The following CCSER1 variants were observed in gnomAD, a reference collection of about 807,000 sequenced individuals.
The protein encoded by CCSER1 is coiled-coil serine rich protein 1.
In CCSER1, 41 loss-of-function variants were observed where a neutral mutation model predicts 82.0. The observed-to-expected ratio is 0.50, with a 90% CI of 0.39 to 0.65. The LOEUF (loss-of-function observed/expected upper bound fraction) is 0.65, where lower values mean the gene tolerates loss of function less well. Ranked by LOEUF, CCSER1 falls within the 30% of genes least tolerant of loss-of-function variation. The pLI, the probability that CCSER1 is intolerant of heterozygous loss-of-function variation, is 0.00. For missense variants in CCSER1, 1,119 were observed against 1,064.2 expected, an observed-to-expected ratio of 1.05 and a Z score of -0.72; for synonymous variants, 414 against 383.9, an observed-to-expected ratio of 1.08 and a Z score of -0.92.
intron 10 of CCSER1, among the ~76,000 whole-genome samples, chr4:91,180,255 T>C (rs1733870193): frequency 6.6e-6 from 1 of 152,052 alleles, no homozygotes; most frequent in African/African-American, 2.4e-5. Context: ...TACTCAGGGG[T>C]CAGGGACTGA....
intron 5 of CCSER1, among the ~76,000 whole-genome samples, chr4:90,539,975 A>C (rs7694082): frequency 2.0e-5 from 3 of 152,032 alleles, no homozygotes; most frequent in African/African-American, 7.2e-5. Flanking sequence ...AAAGGGGAAT[A>C]AAAGCAAAAG....
rs528014963 is a variant in CCSER1, at chr4:90,968,862, A to G, written c.2172+45415A>G. 2.6e-5 allele frequency among the ~76,000 whole-genome samples: 4 copies of G among 152,172 alleles called. No individual in the cohort carries two copies. The South Asian group carries it at 6.2e-4, about 24-fold the overall frequency. On this transcript the variant is annotated intron_variant, in intron 9 of 10. Coordinates refer to ENST00000509176, the MANE Select transcript of CCSER1 (RefSeq NM_001145065.2). Reference sequence around the variant, plus strand: ...TAGAGATCTATGAAATATCTAAAAAAAAATCAAAATAATTGTTTTAAGGAA... The same window carrying G: ...TAGAGATCTATGAAATATCTAAAAAGAAATCAAAATAATTGTTTTAAGGAA...
At chr4:90,574,330 G>A (rs997336064) in intron 5 of CCSER1, among the ~76,000 whole-genome samples, 16 of 135,030 alleles carry the variant, frequency 1.2e-4, no homozygotes, top group African/African-American at 2.6e-4. Context: ...CTGCAGTGGC[G>A]CAATCTCGGC....
At chr4:90,451,920 A>G (rs1480864544) in intron 4 of CCSER1, among the ~76,000 whole-genome samples, 1 of 152,168 alleles carries the variant, frequency 6.6e-6, no homozygotes, top group Non-Finnish European at 1.5e-5. Context: ...TGAGAGACCC[A>G]TTGGCTGTGA....
intron 1 of CCSER1, among the ~76,000 whole-genome samples, chr4:90,238,220 G>A (rs529710386): frequency 2.0e-5 from 3 of 152,086 alleles, no homozygotes; most frequent in Admixed American, 2.0e-4. Context: ...GTTTATCTGG[G>A]ATAATGGGGA....
At chr4:90,671,950 G>A (rs112234199) in intron 6 of CCSER1, among the ~76,000 whole-genome samples, 12 of 152,000 alleles carry the variant, frequency 7.9e-5, no homozygotes, top group Non-Finnish European at 1.2e-4. Flanking sequence ...TGTTCAACAC[G>A]TAGTAATATT....
chr4:90,817,047 A>C (rs2149771002), intron 8 of CCSER1, among the ~76,000 whole-genome samples: 1 of 152,250 alleles, frequency 6.6e-6, no homozygotes, highest in African/African-American at 2.4e-5. Flanking sequence ...TACATTACCA[A>C]AATAACCTTT....
intron 8 of CCSER1, among the ~76,000 whole-genome samples, chr4:90,863,948 G>A (rs941273649): frequency 6.2e-5 from 8 of 128,978 alleles, no homozygotes; most frequent in African/African-American, 8.2e-5. Context: ...TACCTATCAC[G>A]TTTTTATTTT....
At chr4:91,170,843 C>A (rs1732671963) in intron 10 of CCSER1, among the ~76,000 whole-genome samples, 1 of 152,182 alleles carries the variant, frequency 6.6e-6, no homozygotes, top group South Asian at 2.1e-4. Context: ...TAACCATTTT[C>A]TAAGGCAGCT....
intron 9 of CCSER1, among the ~76,000 whole-genome samples, chr4:90,973,384 A>G (rs1425684065): frequency 6.6e-6 from 1 of 151,732 alleles, no homozygotes; most frequent in Non-Finnish European, 1.5e-5. Context: ...AATAAGATGT[A>G]TGAAAGGCCA....
At chr4:91,138,879 AT>A (rs1421974349) in intron 10 of CCSER1, among the ~76,000 whole-genome samples, 3 of 152,198 alleles carry the variant, frequency 2.0e-5, no homozygotes, top group Non-Finnish European at 4.4e-5. Flanking sequence ...TTTTAAAAAA[AT>A]AAGTTCTACC....
intron 7 of CCSER1, among the ~76,000 whole-genome samples, chr4:90,739,590 A>G (rs1746201795): frequency 6.6e-6 from 1 of 152,160 alleles, no homozygotes; most frequent in African/African-American, 2.4e-5. Context: ...TAGTACCCCC[A>G]AGCTCTTTAG....
chr4:90,895,440 A>C (rs1253627081), intron 8 of CCSER1, among the ~76,000 whole-genome samples: 1 of 151,964 alleles, frequency 6.6e-6, no homozygotes, highest in Non-Finnish European at 1.5e-5. Context: ...AACATTAGAC[A>C]ACTCAAACTG....
chr4:90,915,612 G>A (rs1164820609), intron 8 of CCSER1, among the ~76,000 whole-genome samples: 1 of 152,186 alleles, frequency 6.6e-6, no homozygotes, highest in East Asian at 1.9e-4. Context: ...CACAAGACAG[G>A]GATGCCCTCT....
intron 10 of CCSER1, among the ~76,000 whole-genome samples, chr4:91,324,734 T>G (rs924533949): frequency 1.3e-5 from 2 of 152,080 alleles, no homozygotes; most frequent in Non-Finnish European, 2.9e-5. Context: ...AATAGCAATC[T>G]AGAGTTAATT....
intron 6 of CCSER1, among the ~76,000 whole-genome samples, chr4:90,638,211 T>G (rs1382375763): frequency 2.0e-5 from 3 of 152,150 alleles, no homozygotes; most frequent in Non-Finnish European, 4.4e-5. Context: ...TTAGGACAGC[T>G]CTACATTGAT....
intron 9 of CCSER1, among the ~76,000 whole-genome samples, chr4:90,990,725 C>G (rs1338297938): frequency 6.6e-6 from 1 of 151,578 alleles, no homozygotes; most frequent in African/African-American, 2.4e-5. Flanking sequence ...TCTAAAATAC[C>G]CTAAAGTTGA....
chr4:90,485,002 T>C (rs905420967), intron 5 of CCSER1, among the ~76,000 whole-genome samples: 10 of 152,226 alleles, frequency 6.6e-5, no homozygotes, highest in Non-Finnish European at 1.3e-4. Context: ...GCAGGCCTCC[T>C]TGAGCTGTGG....
At chr4:90,554,163 C>A (rs567370010) in intron 5 of CCSER1, among the ~76,000 whole-genome samples, 1 of 152,080 alleles carries the variant, frequency 6.6e-6, no homozygotes, top group South Asian at 2.1e-4. Context: ...AGTTTGAGAC[C>A]AGCCTGGGCA....
Sources: gnomAD v4.1 joint callset for allele counts (sites outside exome capture counted in the v4.1 genomes callset) on GRCh38, gnomAD v4.1.1 for gene constraint, MANE v1.5 for transcripts, NCBI Gene and HGNC (gene_info 2026-07-23, HGNC 2026-07-21) for gene names.